Variants in ADCY8 observed in about 807,000 individuals in gnomAD.
The protein encoded by ADCY8 is adenylate cyclase 8.
ADCY8 carries 51 observed loss-of-function variants against 119.7 expected under a neutral mutation model. The observed-to-expected ratio is 0.43, with a 90% CI of 0.34 to 0.54. ADCY8 has a LOEUF of 0.54. Ranked by LOEUF, ADCY8 falls within the 20% of genes least tolerant of loss-of-function variation. The pLI is 0.03. For missense variants in ADCY8, 1,383 were observed against 1,598.8 expected (o/e 0.87, Z 2.30); for synonymous variants, 665 against 651.0 (o/e 1.02, Z -0.33).
At chr8:130,980,328 C>T (rs1822201961) in intron 2 of ADCY8, among the ~76,000 whole-genome samples, 1 of 152,178 alleles carries the variant, frequency 6.6e-6, no homozygotes, top group South Asian at 2.1e-4. Context: ...TTTAGGGGGA[C>T]ACTATTCAAC....
intron 1 of ADCY8, among the ~76,000 whole-genome samples, chr8:131,018,860 C>T (rs901017114): frequency 2.6e-5 from 4 of 152,124 alleles, no homozygotes; most frequent in Non-Finnish European, 5.9e-5. Context: ...TGTTAATCTC[C>T]TGGAGATTAA....
At position 130,800,546 on chromosome 8, in the gene ADCY8, A is replaced by T; in HGVS notation, c.2940T>A (p.Ala980=). Residue 980 remains alanine (A), a synonymous_variant, in exon 15 of 18, where the codon GCT becomes GCA. Transcript: ENST00000286355. ...GGATGGAGGCAAACATCACCCCAAC[A>T]GCATCATAGGATTGAGAATACAGCT... ...NEELYSQSYD[A]VGVMFASIPG... 1 of 1,614,100 alleles carries T rather than the reference A, an allele frequency of 6.2e-7. No homozygotes were observed. Among genetic ancestry groups the T allele is most frequent in the Non-Finnish European group, 8.5e-7 (1 of 1,179,982 alleles).
At chr8:130,962,036 C>T (rs185703845) in intron 2 of ADCY8, among the ~76,000 whole-genome samples, 228 of 152,284 alleles carry the variant, frequency 1.5e-3, no homozygotes, top group African/African-American at 5.3e-3. Flanking sequence ...ATCCTCAAGT[C>T]ATCGATGCTT....
At chr8:130,858,916 GTGTGTGTGTGTGTA>G (rs1346165136) in intron 9 of ADCY8, among the ~76,000 whole-genome samples, 1 of 109,140 alleles carries the variant, frequency 9.2e-6, no homozygotes, top group Non-Finnish European at 2.0e-5. Context: ...GTGTGTGTGT[GTGTGTGTGTGTGTA>G]TGCATGTGTA....
At position 130,900,246 on chromosome 8, in the gene ADCY8, C is replaced by A. The variant is rs148612387; in HGVS notation, c.1911+3526G>T. Among the ~76,000 whole-genome samples, 327 of 152,298 alleles carry A rather than the reference C, an allele frequency of 2.1e-3. 3 individuals are homozygous for A. Among genetic ancestry groups the A allele is most frequent in the African/African-American group, 7.6e-3 (315 of 41,566 alleles). ...ACCCAAATGGATACAGATACAGGGGCAGACAAGACACAGCATCAAAACCAA... is the reference window on the plus strand; with the variant it reads ...ACCCAAATGGATACAGATACAGGGGAAGACAAGACACAGCATCAAAACCAA... On this transcript the variant is annotated intron_variant, in intron 7 of 17. Coordinates refer to ENST00000286355, the MANE Select transcript of ADCY8 (RefSeq NM_001115.3).
chr8:130,793,562 A>G (rs938770794), intron 15 of ADCY8, among the ~76,000 whole-genome samples: 4 of 152,184 alleles, frequency 2.6e-5, no homozygotes, highest in African/African-American at 9.7e-5. Context: ...TTAGTTTGTC[A>G]TTATATCTTG....
Position 130,805,528 on chromosome 8 carries a change from T to C in ADCY8, c.2914-4956A>G, listed in dbSNP as rs376417667. 3.7e-3 allele frequency among the ~76,000 whole-genome samples: 562 copies of C among 152,290 alleles called. 1 individual carries two copies. Among genetic ancestry groups the C allele is most frequent in the South Asian group, 0.011 (53 of 4,824 alleles). Reference sequence around the variant, plus strand: ...TTCAGATCTTGATTCTGTGGTATCCTGCTGGAGGTTGGAGAAGTGGGAATA... The same window carrying C: ...TTCAGATCTTGATTCTGTGGTATCCCGCTGGAGGTTGGAGAAGTGGGAATA... On this transcript the variant is annotated intron_variant, in intron 14 of 17. Transcript: ENST00000286355.
chr8:130,854,217 G>A (rs1817633401), intron 9 of ADCY8, among the ~76,000 whole-genome samples: 1 of 152,176 alleles, frequency 6.6e-6, no homozygotes, highest in Non-Finnish European at 1.5e-5. Flanking sequence ...GCATCCAGGG[G>A]TTCTGAATTT....
In ADCY8 at chr8:130,985,356, G is replaced by C. The variant is rs139181767; in HGVS notation, c.1110+5037C>G. On this transcript the variant is annotated intron_variant, in intron 2 of 17. Transcript: ENST00000286355. ...GAAAGTTACACCAGGTAGGGAAAAA[G>C]GTGTAAACAAAGGCATGAGTGTAGA... Among the ~76,000 whole-genome samples the C allele has an allele frequency of 6.9e-3, 1,058 of 152,232 alleles. 17 individuals are homozygous for C. Among genetic ancestry groups the C allele is most frequent in the African/African-American group, 0.024 (983 of 41,536 alleles).
chr8:131,040,038 C>A lies in ADCY8; in HGVS notation c.296G>T (p.Arg99Leu). Residue 99 changes from arginine (R) to leucine (L), a missense_variant, in exon 1 of 18, where the codon CGA (arginine) becomes CTA (leucine). By Grantham distance (102) the Arg-to-Leu change is moderately radical (BLOSUM62 -2). This residue lies in a region of ADCY8 where 455 missense variants were observed against 435.3 expected (regional missense o/e 1.05). Coordinates refer to ENST00000286355, the MANE Select transcript of ADCY8 (RefSeq NM_001115.3). ...TTTGGTGCCGCAGGTGCTGTGCGCT[C>A]GCTCTCCCGGGCCCAGCGAGTAGAG... Reference protein sequence around the residue: ...LPLYSLGPGERAHSTCGTKVF... With the variant: ...LPLYSLGPGELAHSTCGTKVF... 11 of 1,549,440 alleles carry A rather than the reference C, an allele frequency of 7.1e-6. No individual in the cohort carries two copies. The highest frequency in any genetic ancestry group is 9.6e-6 in the Non-Finnish European group (11 of 1,151,574).
chr8:130,795,760 A>G (rs923502934), intron 15 of ADCY8, among the ~76,000 whole-genome samples: 2 of 152,048 alleles, frequency 1.3e-5, no homozygotes, highest in African/African-American at 4.8e-5. Context: ...CATGGAGAAC[A>G]CAGGTAGGTG....
At chr8:130,968,680 G>A (rs113818690) in intron 2 of ADCY8, among the ~76,000 whole-genome samples, 173 of 152,216 alleles carry the variant, frequency 1.1e-3, no homozygotes, top group African/African-American at 3.9e-3. Context: ...GGACATCAGC[G>A]GTATTCTTTA....
In ADCY8 at chr8:131,040,056, G is replaced by C. The variant is rs1037873832; in HGVS notation, c.278C>G (p.Ser93Trp). 1 of 1,545,516 alleles carries C rather than the reference G, an allele frequency of 6.5e-7. No individual in the cohort carries two copies. The highest frequency in any genetic ancestry group is 1.9e-5 in the Admixed American group (1 of 52,308). Reference protein sequence around the residue: ...LSGDSALPLYSLGPGERAHST... With the variant: ...LSGDSALPLYWLGPGERAHST... ...GTGCGCTCGCTCTCCCGGGCCCAGC[G>C]AGTAGAGGGGCAGCGCCGAGTCGCC... The change falls in exon 1 of 18, where the codon TCG becomes TGG. Residue 93 changes from serine (S) to tryptophan (W), a missense_variant. Around this residue, in one of 2 missense-constraint regions of ADCY8, gnomAD observed 455 missense variants for 435.3 expected, o/e 1.05. Transcript: ENST00000286355.
chr8:130,891,325 C>T (rs1819179773), intron 7 of ADCY8, among the ~76,000 whole-genome samples: 1 of 152,138 alleles, frequency 6.6e-6, no homozygotes. Flanking sequence ...CAACAGTGCA[C>T]ATTACAGCGA....
At chr8:130,804,712 T>G (rs944754621) in intron 14 of ADCY8, among the ~76,000 whole-genome samples, 4 of 152,132 alleles carry the variant, frequency 2.6e-5, no homozygotes, top group African/African-American at 9.7e-5. Context: ...TTTGTCTCCC[T>G]GAATATTCTA....
chr8:130,913,054 A>G (rs1267522688), intron 5 of ADCY8, among the ~76,000 whole-genome samples: 1 of 152,084 alleles, frequency 6.6e-6, no homozygotes, highest in African/African-American at 2.4e-5. Flanking sequence ...TAATTTTTTA[A>G]TTTTTAATTT....
intron 12 of ADCY8, among the ~76,000 whole-genome samples, chr8:130,828,220 T>A (rs1041163219): frequency 6.6e-6 from 1 of 152,174 alleles, no homozygotes; most frequent in East Asian, 1.9e-4. Context: ...GTGTATGCAA[T>A]GTGGGGGAAA....
intron 11 of ADCY8, among the ~76,000 whole-genome samples, chr8:130,836,905 T>C (rs1212711274): frequency 1.3e-5 from 2 of 152,104 alleles, no homozygotes; most frequent in Non-Finnish European, 2.9e-5. Context: ...GGCTAACTTT[T>C]CTATTTTTAG....
chr8:131,018,233 A>C (rs749583447), intron 1 of ADCY8, among the ~76,000 whole-genome samples: 1 of 152,234 alleles, frequency 6.6e-6, no homozygotes, highest in African/African-American at 2.4e-5. Flanking sequence ...AAAGAGAGGT[A>C]GTTCTTTCCC....
Sources: allele counts gnomAD v4.1 joint callset (sites outside exome capture counted in the v4.1 genomes callset), GRCh38; gene constraint gnomAD v4.1.1; regional missense constraint gnomAD v4.1.1; transcripts MANE v1.5; gene names NCBI Gene and HGNC (gene_info 2026-07-23, HGNC 2026-07-21).